RPA1: variants seen among roughly 807,000 people sequenced by gnomAD.
RPA1 encodes the protein replication protein A1, also known as replication protein A 70 kDa DNA-binding subunit.
In RPA1, 49 loss-of-function variants were observed where a neutral mutation model predicts 83.0. That is an observed-to-expected ratio of 0.59 (90% confidence interval 0.47 to 0.75). The LOEUF (loss-of-function observed/expected upper bound fraction) is 0.75, where lower values mean the gene tolerates loss of function less well. Among genes scored for constraint, RPA1 ranks in the 30% least tolerant of loss-of-function variants. RPA1 has a pLI of 0.00. For missense variants in RPA1, 693 were observed against 776.1 expected (o/e 0.89, Z 1.27); for synonymous variants, 279 against 281.8 (o/e 0.99, Z 0.10).
intron 6 of RPA1, among the ~76,000 whole-genome samples, chr17:1,875,014 C>T (rs1026799430): frequency 6.6e-5 from 10 of 152,196 alleles, no homozygotes; most frequent in African/African-American, 2.4e-4. Context: ...ATTCCCTGTT[C>T]TTTCCCAGCG....
chr17:1,841,652 A>G (rs1912050941), intron 1 of RPA1, among the ~76,000 whole-genome samples: 1 of 152,146 alleles, frequency 6.6e-6, no homozygotes, highest in Non-Finnish European at 1.5e-5. Context: ...CATTAGTTAG[A>G]ACCTCTAATA....
intron 4 of RPA1, among the ~76,000 whole-genome samples, chr17:1,848,721 G>T (rs1271973573): frequency 3.3e-5 from 5 of 151,820 alleles, no homozygotes; most frequent in African/African-American, 1.2e-4. Flanking sequence ...GCACCACCAT[G>T]CCTGGCTAAT....
chr17:1,888,682 A>G lies in RPA1; in HGVS notation c.1382A>G (p.Tyr461Cys). 4.3e-6 allele frequency: 7 copies of G among 1,613,042 alleles called. No individual in the cohort carries two copies. Among genetic ancestry groups the G allele is most frequent in the Non-Finnish European group, 5.9e-6 (7 of 1,179,232 alleles). The change falls in exon 14 of 17, where the codon TAC (tyrosine) becomes TGC (cysteine). Residue 461 changes from tyrosine to cysteine, a missense_variant. Tyr to Cys is a radical substitution (Grantham distance 194). Coordinates refer to ENST00000254719, the MANE Select transcript of RPA1 (RefSeq NM_002945.5). ...ENLGQGDKPD[Y>C]FSSVATVVYL... ...TGTTCTTTTCTCCCGAAGCCGGACTACTTTAGTTCTGTGGCCACAGTGGTG... is the reference window on the plus strand; with the variant it reads ...TGTTCTTTTCTCCCGAAGCCGGACTGCTTTAGTTCTGTGGCCACAGTGGTG...
chr17:1,850,852 A>G (rs1193976243), intron 4 of RPA1, among the ~76,000 whole-genome samples: 1 of 152,152 alleles, frequency 6.6e-6, no homozygotes, highest in Non-Finnish European at 1.5e-5. Flanking sequence ...AGATTGTGCC[A>G]CTGCGCTCCA....
At position 1,877,318 on chromosome 17, in the gene RPA1, A is replaced by C. The variant is rs1018328012; in HGVS notation, c.690+4A>C. ...CCTAGAACTGGTTGACGAAAGTGTG[A>C]GTGTTTGTCATGCTGGGGAGTGAGG... On this transcript the variant is annotated splice_donor_region_variant and intron_variant, in intron 8 of 16. Coordinates refer to ENST00000254719, the MANE Select transcript of RPA1 (RefSeq NM_002945.5). The C allele has an allele frequency of 8.1e-6, 13 of 1,613,110 alleles. No homozygotes were observed. Among genetic ancestry groups the C allele is most frequent in the African/African-American group, 1.3e-5 (1 of 74,834 alleles).
intron 8 of RPA1, 24 bp downstream of exon 8, chr17:1,877,338 G>A (rs746510180): frequency 3.9e-5 from 63 of 1,603,276 alleles, no homozygotes; most frequent in Non-Finnish European, 5.3e-5. Flanking sequence ...ATGCTGGGGA[G>A]TGAGGGCAGT....
chr17:1,873,455 C>T (rs911854904), intron 6 of RPA1, among the ~76,000 whole-genome samples: 2 of 152,138 alleles, frequency 1.3e-5, no homozygotes, highest in Non-Finnish European at 2.9e-5. Context: ...GTCACGGCTT[C>T]ACATACACCT....
intron 5 of RPA1, among the ~76,000 whole-genome samples, chr17:1,859,297 C>G (rs1412454611): frequency 6.6e-6 from 1 of 152,130 alleles, no homozygotes; most frequent in African/African-American, 2.4e-5. Flanking sequence ...CAGAGTCTTA[C>G]AAATGTCAAT....
chr17:1,851,222 G>A (rs915090542), intron 4 of RPA1, among the ~76,000 whole-genome samples: 5 of 152,010 alleles, frequency 3.3e-5, no homozygotes, highest in African/African-American at 7.2e-5. Flanking sequence ...AAAAAATACC[G>A]TCCGTGTTGT....
chr17:1,841,041 C>T (rs183070521), intron 1 of RPA1, among the ~76,000 whole-genome samples: 18 of 152,040 alleles, frequency 1.2e-4, no homozygotes, highest in East Asian at 3.9e-4. Context: ...CGCTCTAGCA[C>T]GACAGAGCGA....
chr17:1,858,165 G>C, intron 5 of RPA1: 8 of 1,613,976 alleles, frequency 5.0e-6, no homozygotes, highest in Non-Finnish European at 6.8e-6. Context: ...TCCCATTCCA[G>C]GTATGATACA....
chr17:1,881,458 G>A (rs1913794530), intron 12 of RPA1, among the ~76,000 whole-genome samples: 1 of 152,158 alleles, frequency 6.6e-6, no homozygotes, highest in South Asian at 2.1e-4. Flanking sequence ...TGGCACTGGT[G>A]TTTGACCAGT....
intron 4 of RPA1, among the ~76,000 whole-genome samples, 163 bp from the exon 5 acceptor site, chr17:1,852,938 A>C (rs1912553796): frequency 6.6e-6 from 1 of 152,240 alleles, no homozygotes; most frequent in South Asian, 2.1e-4. Flanking sequence ...CCCTGCAATC[A>C]CTTGATAATG....
In RPA1 at chr17:1,894,430, G is replaced by T. The variant is rs181464851; in HGVS notation, c.1660-579G>T. ...GATCCACCCGCTTCCGCTTCCCAAA[G>T]CGCTGGGATGACAGGTATGAGCCAC... is the stretch of plus-strand genomic sequence containing the variant. On this transcript the variant is annotated intron_variant, in intron 15 of 16. Coordinates refer to ENST00000254719, the MANE Select transcript of RPA1 (RefSeq NM_002945.5). Among the ~76,000 whole-genome samples the T allele has an allele frequency of 4.2e-3, 638 of 152,272 alleles. 6 individuals are homozygous for T. The highest frequency in any genetic ancestry group is 0.015 in the African/African-American group (603 of 41,548).
intron 14 of RPA1, 62 bp from the exon 15 acceptor site, chr17:1,891,771 A>G (rs1914212285): frequency 8.9e-7 from 1 of 1,117,366 alleles, no homozygotes; most frequent in East Asian, 2.4e-5. Context: ...ACCTCTCCCC[A>G]TCTTCTCAGT....
chr17:1,897,333 G>A lies in RPA1; in HGVS notation c.*158G>A, dbSNP rs1286280028. On this transcript the variant is annotated 3_prime_UTR_variant, in exon 17 of 17. Coordinates refer to ENST00000254719, the MANE Select transcript of RPA1 (RefSeq NM_002945.5). Reference sequence around the variant, plus strand: ...CCTCGTGCGCATCTCAGAACCCATCGGTAGGCAAAGGAAAATACGCTCAGG... The same window carrying A: ...CCTCGTGCGCATCTCAGAACCCATCAGTAGGCAAAGGAAAATACGCTCAGG... 1.5e-5 allele frequency: 9 copies of A among 600,388 alleles called. No homozygotes were observed. Among genetic ancestry groups the A allele is most frequent in the Non-Finnish European group, 2.3e-5 (8 of 342,794 alleles). 37.2% of individuals were successfully genotyped at this position (600,388 alleles called of 1,614,324 possible).
chr17:1,878,887 G>A, intron 8 of RPA1, 106 bp from the exon 9 acceptor site: 1 of 1,069,656 alleles, frequency 9.3e-7, no homozygotes, highest in Non-Finnish European at 1.4e-6. Flanking sequence ...CTCTCAAGAT[G>A]TCACTTTGGT....
intron 11 of RPA1, 91 bp downstream of exon 11, chr17:1,879,790 C>CAGG: frequency 1.3e-6 from 2 of 1,508,240 alleles, no homozygotes; most frequent in Non-Finnish European, 1.8e-6. Context: ...TCAGCACACA[C>CAGG]AGGAGGAGCT....
intron 4 of RPA1, among the ~76,000 whole-genome samples, chr17:1,848,124 C>T (rs35625038): frequency 0.19 from 29,605 of 151,996 alleles, 3,198 homozygotes; most frequent in East Asian, 0.41. Context: ...GTTTCTTTTG[C>T]TGATGACAAC....
Sources: allele counts gnomAD v4.1 joint callset (sites outside exome capture counted in the v4.1 genomes callset), GRCh38; gene constraint gnomAD v4.1.1; transcripts MANE v1.5; gene names NCBI Gene and HGNC (gene_info 2026-07-23, HGNC 2026-07-21).